Variants in SORCS2 observed in about 807,000 individuals in gnomAD.
The protein encoded by SORCS2 is sortilin related VPS10 domain containing receptor 2, also known as VPS10 domain-containing receptor SorCS2.
Under a neutral mutation model 141.6 loss-of-function variants are expected in SORCS2, and 100 were observed. The ratio of observed to expected loss-of-function variants is 0.71; its 90% CI spans 0.60 to 0.83. SORCS2 has a LOEUF of 0.83. Ranked by LOEUF, SORCS2 falls within the 40% of genes least tolerant of loss-of-function variation. The probability of loss-of-function intolerance (pLI) is 0.00; values close to 1 mark genes in which losing one functional copy is unlikely to be tolerated. For missense variants in SORCS2, 1,646 were observed against 1,560.2 expected (o/e 1.05, Z -0.93); for synonymous variants, 789 against 676.9 (o/e 1.17, Z -2.57).
chr4:7,449,694 C>T (rs1318457069), intron 2 of SORCS2, among the ~76,000 whole-genome samples: 1 of 152,052 alleles, frequency 6.6e-6, no homozygotes, highest in Non-Finnish European at 1.5e-5. Flanking sequence ...CCTCCTCTTC[C>T]ATGTTGGCCC....
At chr4:7,507,754 A>AT (rs1280938163) in intron 2 of SORCS2, among the ~76,000 whole-genome samples, 1 of 34,142 alleles carries the variant, frequency 2.9e-5, no homozygotes. Flanking sequence ...CAATGGGGGG[A>AT]AAAGTTAAGG....
chr4:7,483,259 G>A (rs7667528), intron 2 of SORCS2, among the ~76,000 whole-genome samples: 18,218 of 148,710 alleles, frequency 0.12, 1,553 homozygotes, highest in African/African-American at 0.25. Flanking sequence ...GGAGACGGAG[G>A]TTGAAGTGAA....
At position 7,740,816 on chromosome 4, in the gene SORCS2, T is replaced by C. The variant is rs996908169; in HGVS notation, c.*552T>C. 1 of 379,700 alleles carries C rather than the reference T, an allele frequency of 2.6e-6. No homozygotes were observed. The highest frequency in any genetic ancestry group is 4.4e-5 in the Admixed American group (1 of 22,936). The allele number at this position is 379,700 out of a possible 1,614,324, so 23.5% of individuals were successfully genotyped here. A position where few individuals can be genotyped will look rare whatever the true frequency, so the allele number is the denominator to read the frequency against. Reference sequence around the variant, plus strand: ...CTGCCCTCCGGCTGGAAACTGCAGCTCTGTAAATGCCTCTCTAGGTAGCTG... The same window carrying C: ...CTGCCCTCCGGCTGGAAACTGCAGCCCTGTAAATGCCTCTCTAGGTAGCTG... On this transcript the variant is annotated 3_prime_UTR_variant, in exon 27 of 27. Coordinates refer to ENST00000507866, the MANE Select transcript of SORCS2 (RefSeq NM_020777.3).
At chr4:7,492,230 C>T (rs968793533) in intron 2 of SORCS2, among the ~76,000 whole-genome samples, 17 of 152,242 alleles carry the variant, frequency 1.1e-4, no homozygotes, top group African/African-American at 3.9e-4. Flanking sequence ...TCTCCCGAGT[C>T]CTCCCTGCCT....
chr4:7,358,491 C>T (rs779934317), intron 1 of SORCS2, among the ~76,000 whole-genome samples: 3 of 152,220 alleles, frequency 2.0e-5, no homozygotes, highest in Non-Finnish European at 2.9e-5. Context: ...ACTGAGCTTG[C>T]CAGGCCCACG....
At chr4:7,609,239 A>G (rs1205460156) in intron 3 of SORCS2, among the ~76,000 whole-genome samples, 1 of 152,158 alleles carries the variant, frequency 6.6e-6, no homozygotes, top group Non-Finnish European at 1.5e-5. Context: ...GTGAGTAACA[A>G]TCCTTGCCTT....
At chr4:7,403,989 ATATATATATTTTTT>A (rs1332930330) in intron 2 of SORCS2, among the ~76,000 whole-genome samples, 1,286 of 7,748 alleles carry the variant, frequency 0.17, 44 homozygotes, top group Admixed American at 0.24. Context: ...ATATATATAT[ATATATATATTTTTT>A]TTTTTTTTTT....
chr4:7,677,824 G>A (rs556926607), intron 9 of SORCS2, among the ~76,000 whole-genome samples: 1 of 152,240 alleles, frequency 6.6e-6, no homozygotes, highest in South Asian at 2.1e-4. Context: ...CCCTGCAGGC[G>A]GCCCTCCTCC....
Position 7,726,846 on chromosome 4 carries a change from G to A in SORCS2, c.2812G>A (p.Val938Met). 1 of 1,613,896 alleles carries A rather than the reference G, an allele frequency of 6.2e-7. No homozygotes were observed. Residue 938 changes from valine to methionine, a missense_variant, in exon 21 of 27, where the codon GTG (valine) becomes ATG (methionine). Coordinates refer to ENST00000507866, the MANE Select transcript of SORCS2 (RefSeq NM_020777.3). Reference sequence around the variant, plus strand: ...GGACACGGGCGACGTGCGTGTGACGGTGCAGGCCGCCTGTGGGAACTCGGT... The same window carrying A: ...GGACACGGGCGACGTGCGTGTGACGATGCAGGCCGCCTGTGGGAACTCGGT... Reference protein sequence around the residue: ...FSDTGDVRVTVQAACGNSVLQ... With the variant: ...FSDTGDVRVTMQAACGNSVLQ...
intron 2 of SORCS2, among the ~76,000 whole-genome samples, chr4:7,428,475 G>C (rs907349830): frequency 4.6e-5 from 7 of 152,220 alleles, no homozygotes; most frequent in Non-Finnish European, 7.3e-5. Flanking sequence ...GCCACAGCCA[G>C]ATAGCCGAGT....
intron 26 of SORCS2, among the ~76,000 whole-genome samples, chr4:7,737,829 C>T (rs1577141811): frequency 6.6e-6 from 1 of 152,208 alleles, no homozygotes; most frequent in South Asian, 2.1e-4. Flanking sequence ...CATGAGGCTG[C>T]AGTCAATGGC....
In SORCS2 at chr4:7,595,200, T is replaced by C. The variant is rs1025414998; in HGVS notation, c.649-43128T>C. ...AGTTTCCTTGCTATTACCGGTTTAT[T>C]ATGGATACAACTCAGCAACAGAGGA... is the stretch of plus-strand genomic sequence containing the variant. On this transcript the variant is annotated intron_variant, in intron 3 of 26. Coordinates refer to ENST00000507866, the MANE Select transcript of SORCS2 (RefSeq NM_020777.3). Among the ~76,000 whole-genome samples, 56 of 152,098 alleles carry C rather than the reference T, an allele frequency of 3.7e-4. 1 individual carries two copies. Among genetic ancestry groups the C allele is most frequent in the African/African-American group, 1.3e-3 (53 of 41,424 alleles).
intron 3 of SORCS2, among the ~76,000 whole-genome samples, chr4:7,575,702 G>A (rs6853188): frequency 0.28 from 41,975 of 152,132 alleles, 6,886 homozygotes; most frequent in East Asian, 0.7. Flanking sequence ...CGCTGGACTG[G>A]ACACTTGCTC....
At chr4:7,651,669 C>G (rs1206737075) in intron 4 of SORCS2, among the ~76,000 whole-genome samples, 1 of 152,230 alleles carries the variant, frequency 6.6e-6, no homozygotes, top group African/African-American at 2.4e-5. Flanking sequence ...GACAGGGGAG[C>G]CGCTCCAGTT....
rs112392063 is a variant in SORCS2 at position 7,384,217 on chromosome 4, G to A, written c.481-12071G>A. On this transcript the variant is annotated intron_variant, in intron 1 of 26. Coordinates refer to ENST00000507866, the MANE Select transcript of SORCS2 (RefSeq NM_020777.3). Reference sequence around the variant, plus strand: ...TCCTTGCGTGAGTGGCAAGACTTGGGGCAGGTAATGCCTCTCGGTGCCTCA... The same window carrying A: ...TCCTTGCGTGAGTGGCAAGACTTGGAGCAGGTAATGCCTCTCGGTGCCTCA... 1.3e-3 allele frequency among the ~76,000 whole-genome samples: 199 copies of A among 152,252 alleles called. 1 individual carries two copies. Among genetic ancestry groups the A allele is most frequent in the African/African-American group, 4.6e-3 (192 of 41,570 alleles).
intron 3 of SORCS2, among the ~76,000 whole-genome samples, chr4:7,606,019 G>A (rs1049398749): frequency 8.5e-5 from 13 of 152,342 alleles, no homozygotes; most frequent in African/African-American, 2.2e-4. Context: ...CCACCGGAGC[G>A]TGGGGACACC....
At chr4:7,570,211 C>T (rs186099587) in intron 3 of SORCS2, among the ~76,000 whole-genome samples, 36 of 152,200 alleles carry the variant, frequency 2.4e-4, no homozygotes, top group Non-Finnish European at 4.1e-4. Flanking sequence ...GAACGCAGCC[C>T]GTCTGCTGTG....
At chr4:7,451,608 G>A (rs531346862) in intron 2 of SORCS2, among the ~76,000 whole-genome samples, 1 of 152,380 alleles carries the variant, frequency 6.6e-6, no homozygotes, top group East Asian at 1.9e-4. Flanking sequence ...ACACAGGGCA[G>A]GGCAAGCCTT....
At chr4:7,239,808 ATTTC>A in intron 1 of SORCS2, among the ~76,000 whole-genome samples, 1 of 152,340 alleles carries the variant, frequency 6.6e-6, no homozygotes, top group Admixed American at 6.5e-5. Flanking sequence ...TAACTCTTTG[ATTTC>A]TTTATCTTTG....
Sources: gnomAD v4.1 joint callset for allele counts (sites outside exome capture counted in the v4.1 genomes callset) on GRCh38, gnomAD v4.1.1 for gene constraint, MANE v1.5 for transcripts, NCBI Gene and HGNC (gene_info 2026-07-23, HGNC 2026-07-21) for gene names.